Variants in SKAP1 observed in about 807,000 individuals in gnomAD.
SKAP1 encodes src kinase associated phosphoprotein 1.
Under a neutral mutation model 58.5 loss-of-function variants are expected in SKAP1, and 44 were observed. The observed-to-expected ratio is 0.75, with a 90% CI of 0.59 to 0.97. SKAP1 has a LOEUF of 0.97. SKAP1 is among the 50% of genes least tolerant of loss of function. The pLI is 0.00. For synonymous variants in SKAP1, 127 were observed against 149.7 expected, an observed-to-expected ratio of 0.85 and a Z score of 1.11; for missense variants, 390 against 435.2, an observed-to-expected ratio of 0.90 and a Z score of 0.92.
At chr17:48,236,433 TAC>T (rs1050339058) in intron 4 of SKAP1, among the ~76,000 whole-genome samples, 4 of 152,228 alleles carry the variant, frequency 2.6e-5, no homozygotes, top group African/African-American at 9.6e-5. Flanking sequence ...GAGGTTTATA[TAC>T]CACAGTAGGT....
At chr17:48,363,092 C>T (rs749747649) in intron 3 of SKAP1, among the ~76,000 whole-genome samples, 20 of 152,110 alleles carry the variant, frequency 1.3e-4, no homozygotes, top group East Asian at 3.9e-4. Context: ...TGTTTGAATT[C>T]GGAAAAAAAT....
chr17:48,323,949 C>T (rs1233205274), intron 4 of SKAP1, among the ~76,000 whole-genome samples: 1 of 152,072 alleles, frequency 6.6e-6, no homozygotes, highest in East Asian at 1.9e-4. Context: ...CTGTTTGCTC[C>T]TCACACATTC....
At chr17:48,190,938 T>C (rs1264255212) in intron 4 of SKAP1, among the ~76,000 whole-genome samples, 2 of 152,222 alleles carry the variant, frequency 1.3e-5, no homozygotes, top group African/African-American at 2.4e-5. Flanking sequence ...TGAGCCGAGA[T>C]CGTGCCATTT....
chr17:48,235,527 G>A (rs958196815), intron 4 of SKAP1, among the ~76,000 whole-genome samples: 3 of 152,030 alleles, frequency 2.0e-5, no homozygotes, highest in African/African-American at 7.2e-5. Context: ...AACTCTGAAT[G>A]CAGACACAGT....
intron 4 of SKAP1, among the ~76,000 whole-genome samples, chr17:48,219,236 G>A (rs2064974300): frequency 6.6e-6 from 1 of 152,114 alleles, no homozygotes; most frequent in Non-Finnish European, 1.5e-5. Context: ...TAAAACCCAG[G>A]TGGGAACCAT....
At chr17:48,444,399 C>A in the SKAP1 span, among the ~76,000 whole-genome samples, 1 of 152,142 alleles carries the variant, frequency 6.6e-6, no homozygotes, top group Non-Finnish European at 1.5e-5. Context: ...CAAAAAAACC[C>A]ACAAACACCC....
intron 12 of SKAP1, among the ~76,000 whole-genome samples, chr17:48,134,863 C>T (rs566239691): frequency 4.6e-5 from 7 of 152,144 alleles, no homozygotes; most frequent in Non-Finnish European, 8.8e-5. Flanking sequence ...GCCACCATGC[C>T]TGGCTAATTT....
chr17:48,402,865 G>C (rs1342848822), intron 1 of SKAP1, among the ~76,000 whole-genome samples: 1 of 152,172 alleles, frequency 6.6e-6, no homozygotes, highest in East Asian at 1.9e-4. Context: ...GTATAGAATA[G>C]GCAGATCTAA....
chr17:48,418,495 T>C (rs140043194), intron 1 of SKAP1, among the ~76,000 whole-genome samples: 76 of 152,334 alleles, frequency 5.0e-4, no homozygotes, highest in African/African-American at 1.7e-3. Flanking sequence ...GGAACTCCCA[T>C]ATACTGCTTG....
chr17:48,233,434 G>T (rs1346408009), intron 4 of SKAP1, among the ~76,000 whole-genome samples: 1 of 152,070 alleles, frequency 6.6e-6, no homozygotes, highest in African/African-American at 2.4e-5. Flanking sequence ...GCAAAGGTTT[G>T]GTGATGGAAC....
chr17:48,215,091 T>A (rs2064922820), intron 4 of SKAP1, among the ~76,000 whole-genome samples: 1 of 151,908 alleles, frequency 6.6e-6, no homozygotes, highest in Admixed American at 6.6e-5. Flanking sequence ...TGGCCTCTGG[T>A]TTTTAAATTA....
intron 4 of SKAP1, among the ~76,000 whole-genome samples, chr17:48,201,023 C>T (rs2064720955): frequency 6.6e-6 from 1 of 152,074 alleles, no homozygotes; most frequent in South Asian, 2.1e-4. Flanking sequence ...GCTTAAGTCA[C>T]AAACAGTCAT....
intron 1 of SKAP1, among the ~76,000 whole-genome samples, chr17:48,425,273 C>T (rs2067844024): frequency 6.6e-6 from 1 of 151,972 alleles, no homozygotes; most frequent in Non-Finnish European, 1.5e-5. Context: ...GAAACGAAAA[C>T]CCTCAGGAGA....
chr17:48,312,642 T>C (rs1445887876), intron 4 of SKAP1, among the ~76,000 whole-genome samples: 1 of 152,224 alleles, frequency 6.6e-6, no homozygotes, highest in Admixed American at 6.5e-5. Flanking sequence ...AATAGACCCT[T>C]TGTTTCAGAA....
At chr17:48,184,915 GT>G (rs2064426051) in intron 6 of SKAP1, 68 bp from the exon 7 acceptor site, 1 of 1,495,060 alleles carries the variant, frequency 6.7e-7, no homozygotes, top group Admixed American at 2.1e-5. Context: ...ATCCTCTCTG[GT>G]ATGTAAAATA....
At chr17:48,424,351 G>C (rs989396335) in intron 1 of SKAP1, among the ~76,000 whole-genome samples, 1 of 148,778 alleles carries the variant, frequency 6.7e-6, no homozygotes, top group Non-Finnish European at 1.5e-5. Context: ...TCAGCCTCCC[G>C]AGTAGCTGGG....
intron 1 of SKAP1, among the ~76,000 whole-genome samples, chr17:48,407,971 CAAG>C (rs1256213125): frequency 2.6e-5 from 4 of 151,606 alleles, no homozygotes; most frequent in South Asian, 4.2e-4. Flanking sequence ...TAAATGCAAT[CAAG>C]AAGAAGGAGA....
chr17:48,225,898 C>T (rs946893882), intron 4 of SKAP1, among the ~76,000 whole-genome samples: 1 of 152,196 alleles, frequency 6.6e-6, no homozygotes, highest in Non-Finnish European at 1.5e-5. Flanking sequence ...TCAATCCCAA[C>T]GATTCATCAT....
At chr17:48,152,677 C>T (rs192657904) in intron 11 of SKAP1, among the ~76,000 whole-genome samples, 6 of 152,208 alleles carry the variant, frequency 3.9e-5, no homozygotes, top group Middle Eastern at 3.4e-3. Context: ...GTTTCCGCAG[C>T]CTTCACCGGT....
Sources: allele counts gnomAD v4.1 joint callset (sites outside exome capture counted in the v4.1 genomes callset), GRCh38; gene constraint gnomAD v4.1.1; transcripts MANE v1.5; gene names NCBI Gene and HGNC (gene_info 2026-07-23, HGNC 2026-07-21).